TRAM2: variants seen among roughly 807,000 people sequenced by gnomAD.
TRAM2 encodes translocating chain-associated membrane protein 2.
TRAM2 carries 12 observed loss-of-function variants against 51.0 expected under a neutral mutation model. That is an observed-to-expected ratio of 0.24 (90% confidence interval 0.15 to 0.38). The LOEUF (loss-of-function observed/expected upper bound fraction) is 0.38. Ranked by LOEUF, TRAM2 falls within the 10% of genes least tolerant of loss-of-function variation. The pLI, the probability that TRAM2 is intolerant of heterozygous loss-of-function variation, is 1.00. For synonymous variants in TRAM2, 175 were observed against 179.4 expected (o/e 0.98, Z 0.20); for missense variants, 361 against 462.0 (o/e 0.78, Z 2.00).
rs931181635 is a variant in TRAM2 at position 52,500,999 on chromosome 6, G to A, written c.*2198C>T. On this transcript the variant is annotated 3_prime_UTR_variant, in exon 11 of 11. Transcript: ENST00000182527. ...AGGTGGGCTTAGGAGGCTGCTGGCTGAACATGCGATTTGCAGTTATTAGGC... is the reference window on the plus strand; with the variant it reads ...AGGTGGGCTTAGGAGGCTGCTGGCTAAACATGCGATTTGCAGTTATTAGGC... 6.6e-6 allele frequency: 1 copy of A among 152,242 alleles called. No individual in the cohort carries two copies. The highest frequency in any genetic ancestry group is 2.4e-5 in the African/African-American group (1 of 41,440). The allele number at this position is 152,242 out of a possible 1,614,324, so 9.4% of individuals were successfully genotyped here.
intron 2 of TRAM2, among the ~76,000 whole-genome samples, chr6:52,534,248 G>C (rs1350609851): frequency 6.6e-6 from 1 of 152,022 alleles, no homozygotes; most frequent in Admixed American, 6.6e-5. Context: ...TGGCACGGTG[G>C]CGCATGCCTG....
chr6:52,551,434 G>A (rs1315421576), intron 1 of TRAM2, among the ~76,000 whole-genome samples: 1 of 152,202 alleles, frequency 6.6e-6, no homozygotes, highest in Admixed American at 6.5e-5. Context: ...CTTTCACAAA[G>A]GGATTCTTTC....
intron 1 of TRAM2, 141 bp downstream of exon 1, chr6:52,576,655 G>T: frequency 1.7e-6 from 2 of 1,175,754 alleles, no homozygotes; most frequent in Non-Finnish European, 1.2e-6. Context: ...GGGGTACAGT[G>T]CACAAAGCCG....
At chr6:52,521,591 G>T (rs886086114) in intron 2 of TRAM2, among the ~76,000 whole-genome samples, 2 of 151,888 alleles carry the variant, frequency 1.3e-5, no homozygotes, top group African/African-American at 4.8e-5. Flanking sequence ...CAGCTACTCG[G>T]GAGGCTGAGG....
intron 4 of TRAM2, among the ~76,000 whole-genome samples, chr6:52,513,937 C>G (rs1228887211): frequency 6.6e-6 from 1 of 152,182 alleles, no homozygotes; most frequent in Non-Finnish European, 1.5e-5. Context: ...TTGGACTATA[C>G]AGATCGAGGT....
chr6:52,526,228 G>C (rs1397403868), intron 2 of TRAM2, among the ~76,000 whole-genome samples: 1 of 150,468 alleles, frequency 6.6e-6, no homozygotes, highest in Non-Finnish European at 1.5e-5. Context: ...TTAAAGATCT[G>C]ACAGATCTTC....
chr6:52,574,777 G>T (rs1443862654), intron 1 of TRAM2, among the ~76,000 whole-genome samples: 2 of 152,150 alleles, frequency 1.3e-5, no homozygotes, highest in African/African-American at 4.8e-5. Flanking sequence ...TAATGCACAG[G>T]ACTTTCCATA....
At chr6:52,570,735 T>C (rs1010855594) in intron 1 of TRAM2, among the ~76,000 whole-genome samples, 5 of 151,254 alleles carry the variant, frequency 3.3e-5, no homozygotes, top group African/African-American at 7.3e-5. Context: ...TCTCCTAACC[T>C]TGGGCTCCTA....
intron 10 of TRAM2, among the ~76,000 whole-genome samples, chr6:52,504,363 G>C (rs541471730): frequency 1.3e-5 from 2 of 152,182 alleles, no homozygotes; most frequent in African/African-American, 2.4e-5. Context: ...GGTGGCCAGG[G>C]CTCCCAGCCT....
chr6:52,563,346 A>G (rs1209130714), intron 1 of TRAM2, among the ~76,000 whole-genome samples: 2 of 152,228 alleles, frequency 1.3e-5, no homozygotes, highest in East Asian at 3.8e-4. Context: ...ACAGACAGAT[A>G]TAAGGATGTA....
At chr6:52,516,425 A>T in intron 3 of TRAM2, 1 of 604,746 alleles carries the variant, frequency 1.7e-6, no homozygotes, top group East Asian at 2.8e-5. Flanking sequence ...CTGTGTAATA[A>T]ATACTGCTGT....
At chr6:52,505,800 C>A in intron 8 of TRAM2, 58 bp from the exon 9 acceptor site, 1 of 1,546,774 alleles carries the variant, frequency 6.5e-7, no homozygotes, top group Middle Eastern at 2.2e-4. Context: ...GGAATCTTCA[C>A]CCACTTCTCC....
intron 1 of TRAM2, among the ~76,000 whole-genome samples, chr6:52,568,269 G>A (rs937107206): frequency 3.9e-5 from 6 of 152,138 alleles, no homozygotes; most frequent in African/African-American, 1.4e-4. Context: ...CCAGAACCCT[G>A]CTATTCTTTT....
intron 6 of TRAM2, 62 bp downstream of exon 6, chr6:52,508,172 G>C (rs1360199245): frequency 1.4e-6 from 2 of 1,476,222 alleles, no homozygotes; most frequent in African/African-American, 1.4e-5. Context: ...GTACCCCTGG[G>C]AATAGCAGGA....
intron 1 of TRAM2, among the ~76,000 whole-genome samples, chr6:52,563,162 T>C (rs1406838710): frequency 6.6e-6 from 1 of 152,162 alleles, no homozygotes; most frequent in Non-Finnish European, 1.5e-5. Context: ...ACTGGTTAAA[T>C]GAATTAAGGT....
intron 5 of TRAM2, among the ~76,000 whole-genome samples, chr6:52,508,815 C>T (rs1434359019): frequency 6.6e-6 from 1 of 152,112 alleles, no homozygotes. Context: ...AGGTGGATCA[C>T]CTGAAGTCAG....
chr6:52,526,270 T>C (rs1370347008), intron 2 of TRAM2, among the ~76,000 whole-genome samples: 1 of 152,010 alleles, frequency 6.6e-6, no homozygotes, highest in African/African-American at 2.4e-5. Flanking sequence ...CATTGCATGC[T>C]TTGTAATATA....
At chr6:52,505,790 G>A (rs1392125778) in intron 8 of TRAM2, 48 bp from the exon 9 acceptor site, 1 of 1,556,064 alleles carries the variant, frequency 6.4e-7, no homozygotes. Flanking sequence ...CGCCCTTGAA[G>A]GAATCTTCAC....
chr6:52,509,306 T>A (rs565000900), intron 5 of TRAM2, among the ~76,000 whole-genome samples: 1 of 152,304 alleles, frequency 6.6e-6, no homozygotes, highest in Admixed American at 6.5e-5. Flanking sequence ...GAGGGACCTC[T>A]GTGATGGGAG....
Sources: allele counts gnomAD v4.1 joint callset (sites outside exome capture counted in the v4.1 genomes callset), GRCh38; gene constraint gnomAD v4.1.1; transcripts MANE v1.5; gene names NCBI Gene and HGNC (gene_info 2026-07-23, HGNC 2026-07-21).